SLC35F4: variants seen among roughly 807,000 people sequenced by gnomAD.
SLC35F4 encodes the protein solute carrier family 35 member F4.
SLC35F4 carries 24 observed loss-of-function variants against 44.2 expected under a neutral mutation model. The ratio of observed to expected loss-of-function variants is 0.54; its 90% CI spans 0.39 to 0.76. The LOEUF (loss-of-function observed/expected upper bound fraction) is 0.76. SLC35F4 is among the 30% of genes least tolerant of loss of function. The probability of loss-of-function intolerance (pLI) is 0.00; values close to 1 mark genes in which losing one functional copy is unlikely to be tolerated. For missense variants in SLC35F4, 562 were observed against 586.1 expected (o/e 0.96, Z 0.42); for synonymous variants, 238 against 223.6 (o/e 1.06, Z -0.57).
intron 1 of SLC35F4, among the ~76,000 whole-genome samples, chr14:57,925,013 C>T (rs995071163): frequency 1.3e-5 from 2 of 152,110 alleles, no homozygotes; most frequent in African/African-American, 4.8e-5. Flanking sequence ...GTCTTGGCCT[C>T]CCAAATTGCT....
At chr14:57,668,324 CTTTAG>C (rs1298991613) in intron 1 of SLC35F4, among the ~76,000 whole-genome samples, 2 of 151,378 alleles carry the variant, frequency 1.3e-5, no homozygotes, top group East Asian at 3.9e-4. Flanking sequence ...TGCAGAAGCT[CTTTAG>C]TTTAATTAGA....
chr14:57,704,600 C>T (rs971814967), intron 1 of SLC35F4, among the ~76,000 whole-genome samples: 3 of 152,056 alleles, frequency 2.0e-5, no homozygotes, highest in Admixed American at 1.3e-4. Context: ...CACACTGGCC[C>T]CTGTTGCGGG....
At chr14:57,860,156 G>A (rs1053732884) in intron 1 of SLC35F4, among the ~76,000 whole-genome samples, 2 of 152,174 alleles carry the variant, frequency 1.3e-5, no homozygotes, top group African/African-American at 2.4e-5. Context: ...CACCCAGAGA[G>A]CCAAGAGAGC....
At chr14:57,625,218 A>G (rs1039798994) in intron 1 of SLC35F4, among the ~76,000 whole-genome samples, 2 of 152,212 alleles carry the variant, frequency 1.3e-5, no homozygotes, top group Admixed American at 1.3e-4. Flanking sequence ...CAAAGAGAAT[A>G]AAATACATAG....
chr14:57,921,630 C>G (rs898794478), intron 1 of SLC35F4, among the ~76,000 whole-genome samples: 2 of 152,158 alleles, frequency 1.3e-5, no homozygotes. Context: ...CTTCTGAGAG[C>G]TGAGGGAAGC....
Position 57,581,452 on chromosome 14 carries a change from G to A in SLC35F4, c.588-19C>T, listed in dbSNP as rs371937518. 101 of 1,589,172 alleles carry A rather than the reference G, an allele frequency of 6.4e-5. No homozygotes were observed. The highest frequency in any genetic ancestry group is 8.5e-5 in the Non-Finnish European group (99 of 1,166,656). Reference sequence around the variant, plus strand: ...GCATTCCCTAGGAAAGAAAAGAGAAGTTAATATCCAGGTACTGATGGTGAC... The same window carrying A: ...GCATTCCCTAGGAAAGAAAAGAGAAATTAATATCCAGGTACTGATGGTGAC... On this transcript the variant is annotated intron_variant, in intron 3 of 7. Coordinates refer to ENST00000556826, the MANE Select transcript of SLC35F4 (RefSeq NM_001306087.2).
At chr14:57,782,433 G>A (rs1229642169) in intron 1 of SLC35F4, among the ~76,000 whole-genome samples, 1 of 151,660 alleles carries the variant, frequency 6.6e-6, no homozygotes, top group Non-Finnish European at 1.5e-5. Flanking sequence ...GTAGATACTA[G>A]TCTATTTGGA....
At chr14:57,590,069 C>T (rs2070061536) in intron 2 of SLC35F4, among the ~76,000 whole-genome samples, 1 of 151,160 alleles carries the variant, frequency 6.6e-6, no homozygotes, top group Non-Finnish European at 1.5e-5. Context: ...ATATTCGTTT[C>T]CATTTTCCTT....
At chr14:57,785,444 T>G (rs1451165965) in intron 1 of SLC35F4, among the ~76,000 whole-genome samples, 1 of 152,210 alleles carries the variant, frequency 6.6e-6, no homozygotes, top group East Asian at 1.9e-4. Flanking sequence ...ACATTGCAGT[T>G]CTGTACAGAG....
At chr14:57,629,796 C>A (rs574985294) in intron 1 of SLC35F4, 4 of 308,542 alleles carry the variant, frequency 1.3e-5, no homozygotes, top group East Asian at 1.6e-4. Context: ...TGAGAAATTA[C>A]AACTGCATGA....
At chr14:57,912,248 A>T (rs961967619) in intron 1 of SLC35F4, among the ~76,000 whole-genome samples, 2 of 151,862 alleles carry the variant, frequency 1.3e-5, no homozygotes, top group Non-Finnish European at 2.9e-5. Flanking sequence ...TATTTTCAGT[A>T]TCACTAATTT....
chr14:57,597,222 T>C (rs1385233593), intron 1 of SLC35F4, among the ~76,000 whole-genome samples: 1 of 152,216 alleles, frequency 6.6e-6, no homozygotes, highest in African/African-American at 2.4e-5. Flanking sequence ...TTACTAAGTA[T>C]TGTGAGTAAA....
intron 1 of SLC35F4, among the ~76,000 whole-genome samples, chr14:57,930,657 T>C (rs1230324073): frequency 1.3e-5 from 2 of 152,200 alleles, no homozygotes; most frequent in Non-Finnish European, 2.9e-5. Context: ...AGCTTCTAAG[T>C]TAAAACCTAG....
At chr14:57,732,507 T>C (rs1455524032) in intron 1 of SLC35F4, among the ~76,000 whole-genome samples, 3 of 152,192 alleles carry the variant, frequency 2.0e-5, no homozygotes, top group Non-Finnish European at 4.4e-5. Flanking sequence ...TATTGCTCTA[T>C]ATGTCAATTT....
intron 1 of SLC35F4, among the ~76,000 whole-genome samples, chr14:57,947,442 G>A (rs1039782637): frequency 2.0e-5 from 3 of 151,986 alleles, no homozygotes; most frequent in African/African-American, 7.2e-5. Flanking sequence ...TGAGTCTTTG[G>A]GGTCTTCTAG....
intron 1 of SLC35F4, among the ~76,000 whole-genome samples, chr14:57,609,662 C>T (rs2071376615): frequency 6.6e-6 from 1 of 152,206 alleles, no homozygotes; most frequent in South Asian, 2.1e-4. Flanking sequence ...GTTTGTTATG[C>T]ATGCTCTCCT....
At chr14:57,803,006 A>AAAAAAAAAAAAAAAAAAAAAAAAAAAAAG (rs74994950) in intron 1 of SLC35F4, among the ~76,000 whole-genome samples, 1 of 136,250 alleles carries the variant, frequency 7.3e-6, no homozygotes, top group Non-Finnish European at 1.5e-5. Context: ...AAAAAAAAAA[A>AAAAAAAAAAAAAAAAAAAAAAAAAAAAAG]GAAATTGCAG....
In SLC35F4 at chr14:57,705,459, G is replaced by A. The variant is rs146273804; in HGVS notation, c.104-111335C>T. On this transcript the variant is annotated intron_variant, in intron 1 of 7. Coordinates refer to ENST00000556826, the MANE Select transcript of SLC35F4 (RefSeq NM_001306087.2). ...TCTCTGCCCTTCTCTGCTCTACTCC[G>A]CATCCCAGAAAGCTGCCCTCCATTG... is the stretch of plus-strand genomic sequence containing the variant. Among the ~76,000 whole-genome samples, 42 of 152,070 alleles carry A rather than the reference G, an allele frequency of 2.8e-4. 1 individual carries two copies. The highest frequency in any genetic ancestry group is 9.4e-4 in the African/African-American group (39 of 41,490).
In SLC35F4 at chr14:57,801,316, C is replaced by G. The variant is rs4898952; in HGVS notation, c.103+64407G>C. Among the ~76,000 whole-genome samples, 5 of 152,096 alleles carry G rather than the reference C, an allele frequency of 3.3e-5. No homozygotes were observed. In the East Asian group the frequency reaches 9.7e-4, roughly 29 times the overall value. On this transcript the variant is annotated intron_variant, in intron 1 of 7. Transcript: ENST00000556826. ...AAGATCCTTTTCAGACAAGCAAATGCTTACGGAATTTATCACCACCAGGCC... is the reference window on the plus strand; with the variant it reads ...AAGATCCTTTTCAGACAAGCAAATGGTTACGGAATTTATCACCACCAGGCC...
Sources: allele counts gnomAD v4.1 joint callset (sites outside exome capture counted in the v4.1 genomes callset), GRCh38; gene constraint gnomAD v4.1.1; transcripts MANE v1.5; gene names NCBI Gene and HGNC (gene_info 2026-07-23, HGNC 2026-07-21).